Variants in MDM1 observed in about 807,000 individuals in gnomAD.
MDM1 encodes the protein stabilizer of axonemal microtubules 6, also known as Mdm1 nuclear protein.
In MDM1, 61 loss-of-function variants were observed where a neutral mutation model predicts 89.1. That is an observed-to-expected ratio of 0.68 (90% confidence interval 0.56 to 0.85). MDM1 has a LOEUF of 0.85. Ranked by LOEUF, MDM1 falls within the 40% of genes least tolerant of loss-of-function variation. The pLI, the probability that MDM1 is intolerant of heterozygous loss-of-function variation, is 0.00. For synonymous variants in MDM1, 290 were observed against 294.1 expected (o/e 0.99, Z 0.14); for missense variants, 820 against 846.5 (o/e 0.97, Z 0.39).
At chr12:68,299,395 A>G (rs1871847533) in intron 13 of MDM1, among the ~76,000 whole-genome samples, 1 of 152,134 alleles carries the variant, frequency 6.6e-6, no homozygotes, top group Admixed American at 6.5e-5. Flanking sequence ...ATTAAAAAAA[A>G]ATTCAGGATA....
Position 68,331,116 on chromosome 12 carries a change from C to G in MDM1, c.124G>C (p.Asp42His). 1 of 1,585,874 alleles carries G rather than the reference C, an allele frequency of 6.3e-7. No individual in the cohort carries two copies. The highest frequency in any genetic ancestry group is 8.7e-7 in the Non-Finnish European group (1 of 1,154,232). The change falls in exon 2 of 15, where the codon GAT becomes CAT. Residue 42 changes from aspartate to histidine, a missense_variant. Asp to His is a moderately conservative substitution (Grantham distance 81, BLOSUM62 -1). Transcript: ENST00000682720. ...AGCCTGCTCAACTTACCTAATTGAT[C>G]TGATCTAAGTCCAGCCCATGGGTAC... ...RKYPWAGLRS[D>H]QLGITKEPSF... is the part of the protein sequence containing the mutation.
intron 7 of MDM1, among the ~76,000 whole-genome samples, chr12:68,320,154 A>G (rs1875029079): frequency 6.6e-6 from 1 of 152,190 alleles, no homozygotes. Flanking sequence ...CACTCCCACT[A>G]TCAGACTCCT....
Position 68,315,072 on chromosome 12 carries a change from C to T in MDM1, c.1405G>A (p.Glu469Lys). 9 of 1,614,124 alleles carry T rather than the reference C, an allele frequency of 5.6e-6. No homozygotes were observed. The highest frequency in any genetic ancestry group is 6.8e-6 in the Non-Finnish European group (8 of 1,180,014). The stretch of plus-strand genomic sequence containing the variant: ...TCATTGTCGTCCTCCTCCTCTTTCT[C>T]CCCGGGCTGTTTCTGTACGTCTTCA... ...TSEDVQKQPG[E>K]KEEEDDNEEE... is the part of the protein sequence containing the mutation. Residue 469 changes from glutamate (E) to lysine (K), a missense_variant, in exon 10 of 15, where the codon GAG becomes AAG. By Grantham distance (56) the Glu-to-Lys change is moderately conservative (BLOSUM62 1). Transcript: ENST00000682720.
intron 12 of MDM1, among the ~76,000 whole-genome samples, chr12:68,309,998 T>A (rs1175411379): frequency 6.6e-6 from 1 of 152,154 alleles, no homozygotes; most frequent in Non-Finnish European, 1.5e-5. Flanking sequence ...TTGGAGAGAG[T>A]CTTCCTCTGT....
intron 3 of MDM1, 28 bp downstream of exon 3, chr12:68,326,629 T>C (rs1262535935): frequency 6.2e-7 from 1 of 1,614,142 alleles, no homozygotes; most frequent in Admixed American, 1.7e-5. Flanking sequence ...TCTATGCTTT[T>C]GAAAAGAAAT....
chr12:68,308,127 C>CT (rs774192759), intron 12 of MDM1, among the ~76,000 whole-genome samples: 1,492 of 138,832 alleles, frequency 0.011, 27 homozygotes, highest in African/African-American at 0.034. Flanking sequence ...GCTGTTCCTT[C>CT]TTTTTTTTTT....
Position 68,313,704 on chromosome 12 carries a change from T to G in MDM1, c.1579A>C (p.Lys527Gln), listed in dbSNP as rs1361242297. Residue 527 changes from lysine to glutamine, a missense_variant, in exon 11 of 15, where the codon AAG becomes CAG. Coordinates refer to ENST00000682720, the MANE Select transcript of MDM1 (RefSeq NM_001354969.2). Reference sequence around the variant, plus strand: ...TGGATTCCACCAAGTTCTCTCAGCTTGGGAGTAGGAAGCCGGCCTCCTTTT... The same window carrying G: ...TGGATTCCACCAAGTTCTCTCAGCTGGGGAGTAGGAAGCCGGCCTCCTTTT... Reference protein sequence around the residue: ...SEKGGRLPTPKLRELGGIQRT... With the variant: ...SEKGGRLPTPQLRELGGIQRT... The G allele has an allele frequency of 1.9e-6, 3 of 1,614,068 alleles. No individual in the cohort carries two copies. Among genetic ancestry groups the G allele is most frequent in the Non-Finnish European group, 2.5e-6 (3 of 1,180,036 alleles).
At chr12:68,316,288 T>C in intron 8 of MDM1, 35 bp from the exon 9 acceptor site, 2 of 1,567,662 alleles carry the variant, frequency 1.3e-6, no homozygotes, top group East Asian at 4.5e-5. Context: ...TATACTATTG[T>C]AAATGCTTCT....
intron 2 of MDM1, among the ~76,000 whole-genome samples, chr12:68,330,427 A>AAGCTAT (rs1204918004): frequency 6.6e-6 from 1 of 152,198 alleles, no homozygotes; most frequent in African/African-American, 2.4e-5. Context: ...TATACCTTCT[A>AAGCTAT]AGCTATATGT....
At position 68,332,277 on chromosome 12, in the gene MDM1, A is replaced by C. The variant is rs772764970; in HGVS notation, c.-32T>G. 2.1e-5 allele frequency: 33 copies of C among 1,579,096 alleles called. No homozygotes were observed. The South Asian group carries it at 3.6e-4, about 17-fold the overall frequency. On this transcript the variant is annotated 5_prime_UTR_variant, in exon 1 of 15. Transcript: ENST00000682720. ...CGGCGCCGGAGCCCCCGCTACTCCG[A>C]CAGTTAACTGGAGAAAAAGCTCCGA...
rs974531150 is a variant in MDM1, at chr12:68,313,869, C to T, written c.1530-116G>A. 2.8e-5 allele frequency: 23 copies of T among 824,108 alleles called. No individual in the cohort carries two copies. In the African/African-American group the frequency reaches 2.9e-4, roughly 10 times the overall value. 51.0% of individuals were successfully genotyped at this position (824,108 alleles called of 1,614,324 possible). On this transcript the variant is annotated intron_variant, in intron 10 of 14. Coordinates refer to ENST00000682720, the MANE Select transcript of MDM1 (RefSeq NM_001354969.2). ...TATAAAACTTGTAAGAGGCCAGGCG[C>T]GGTGGCTCACGCCCGTAATCCCAGC...
chr12:68,301,985 G>C (rs1035008304), intron 13 of MDM1, among the ~76,000 whole-genome samples: 2 of 152,028 alleles, frequency 1.3e-5, no homozygotes, highest in Non-Finnish European at 2.9e-5. Flanking sequence ...GGCCAGGAGA[G>C]GAAATTTTTG....
At chr12:68,302,551 C>A (rs1255993863) in intron 13 of MDM1, 69 bp downstream of exon 13, 5 of 1,305,956 alleles carry the variant, frequency 3.8e-6, no homozygotes, top group African/African-American at 3.0e-5. Context: ...AAAATGCATT[C>A]TTAGACTTTG....
intron 2 of MDM1, among the ~76,000 whole-genome samples, chr12:68,327,903 CAG>C (rs1424618985): frequency 6.6e-6 from 1 of 152,160 alleles, no homozygotes; most frequent in Non-Finnish European, 1.5e-5. Flanking sequence ...GGAGGGTAAA[CAG>C]AAGTGGGCAG....
intron 8 of MDM1, 125 bp from the exon 9 acceptor site, chr12:68,316,378 G>T: frequency 9.3e-7 from 1 of 1,072,642 alleles, no homozygotes; most frequent in Non-Finnish European, 1.3e-6. Flanking sequence ...GGCAAAATTA[G>T]CCACATACAG....
intron 12 of MDM1, among the ~76,000 whole-genome samples, chr12:68,308,189 G>A (rs1387404048): frequency 2.0e-5 from 3 of 149,218 alleles, no homozygotes; most frequent in African/African-American, 4.9e-5. Flanking sequence ...GCAGTGGCGC[G>A]ATCTCAGCTC....
intron 7 of MDM1, among the ~76,000 whole-genome samples, chr12:68,319,454 G>C (rs1020233687): frequency 1.3e-5 from 2 of 152,202 alleles, no homozygotes; most frequent in African/African-American, 2.4e-5. Flanking sequence ...TTATGTCTGA[G>C]TGCATGTGAG....
At chr12:68,321,815 A>G (rs1221632124) in intron 5 of MDM1, among the ~76,000 whole-genome samples, 187 bp from the exon 6 acceptor site, 1 of 152,226 alleles carries the variant, frequency 6.6e-6, no homozygotes, top group Non-Finnish European at 1.5e-5. Context: ...ATATTTGGTT[A>G]GTTATTTTTG....
chr12:68,313,858 G>A (rs1269251492), intron 10 of MDM1, 105 bp from the exon 11 acceptor site: 1 of 990,024 alleles, frequency 1.0e-6, no homozygotes. Flanking sequence ...AAACTTGTAA[G>A]AGGCCAGGCG....
Sources: allele counts gnomAD v4.1 joint callset (sites outside exome capture counted in the v4.1 genomes callset), GRCh38; gene constraint gnomAD v4.1.1; transcripts MANE v1.5; gene names NCBI Gene and HGNC (gene_info 2026-07-23, HGNC 2026-07-21).